Variants in CCSER1 observed in about 807,000 individuals in gnomAD.
The protein encoded by CCSER1 is serine-rich coiled-coil domain-containing protein 1.
A neutral mutation model predicts 82.0 loss-of-function variants in CCSER1; 41 were observed. That is an observed-to-expected ratio of 0.50 (90% CI 0.39 to 0.65). The LOEUF is 0.65. CCSER1 is among the 30% of genes least tolerant of loss of function. CCSER1 has a pLI of 0.00. For missense variants in CCSER1, 1,119 were observed against 1,064.2 expected (o/e 1.05, Z -0.72); for synonymous variants, 414 against 383.9 (o/e 1.08, Z -0.92).
At chr4:90,632,522 T>G (rs1724645194) in intron 6 of CCSER1, among the ~76,000 whole-genome samples, 1 of 152,070 alleles carries the variant, frequency 6.6e-6, no homozygotes, top group African/African-American at 2.4e-5. Flanking sequence ...TGAATACACC[T>G]GCAAAAGTGA....
chr4:91,324,921 A>G (rs1459299384), intron 10 of CCSER1, among the ~76,000 whole-genome samples: 1 of 152,214 alleles, frequency 6.6e-6, no homozygotes, highest in Non-Finnish European at 1.5e-5. Flanking sequence ...GTTCCCACCC[A>G]AATCACATGA....
At chr4:90,361,259 G>T (rs554952343) in intron 3 of CCSER1, among the ~76,000 whole-genome samples, 9 of 152,290 alleles carry the variant, frequency 5.9e-5, no homozygotes, top group Middle Eastern at 3.4e-3. Context: ...GCAAATAGCA[G>T]GTTCTCAATA....
chr4:90,555,186 A>G (rs1396667388), intron 5 of CCSER1, among the ~76,000 whole-genome samples: 2 of 152,282 alleles, frequency 1.3e-5, no homozygotes, highest in East Asian at 1.9e-4. Flanking sequence ...AGAAAACTAC[A>G]TAGTAGCATT....
At chr4:90,650,091 C>G (rs1728442481) in intron 6 of CCSER1, among the ~76,000 whole-genome samples, 1 of 152,088 alleles carries the variant, frequency 6.6e-6, no homozygotes, top group African/African-American at 2.4e-5. Flanking sequence ...GTGGCAGGCA[C>G]CTGTAATCCC....
At chr4:91,238,288 A>C (rs1739175744) in intron 10 of CCSER1, among the ~76,000 whole-genome samples, 2 of 152,300 alleles carry the variant, frequency 1.3e-5, no homozygotes, top group South Asian at 4.1e-4. Flanking sequence ...TAAGTGCCTG[A>C]GAGTGGCATG....
chr4:91,466,542 T>C (rs563972344), intron 10 of CCSER1, among the ~76,000 whole-genome samples: 10 of 152,128 alleles, frequency 6.6e-5, no homozygotes, highest in Non-Finnish European at 1.5e-4. Flanking sequence ...GGTATTCAAC[T>C]AGGAAAAGAG....
At chr4:91,068,647 T>G (rs996129509) in intron 9 of CCSER1, among the ~76,000 whole-genome samples, 1 of 152,190 alleles carries the variant, frequency 6.6e-6, no homozygotes, top group African/African-American at 2.4e-5. Flanking sequence ...TACAAGATAA[T>G]AATTATTAAA....
chr4:90,777,173 A>G (rs1203862179), intron 7 of CCSER1, among the ~76,000 whole-genome samples: 3 of 151,944 alleles, frequency 2.0e-5, no homozygotes, highest in Admixed American at 6.6e-5. Flanking sequence ...CCCAGCCAAC[A>G]TGGTGAAACC....
intron 10 of CCSER1, among the ~76,000 whole-genome samples, chr4:91,487,479 A>C (rs922630689): frequency 5.9e-5 from 9 of 152,202 alleles, no homozygotes; most frequent in Non-Finnish European, 1.2e-4. Flanking sequence ...ATGTTATCAG[A>C]TAAAGTAAAA....
At chr4:91,596,874 A>C (rs756421978) in intron 10 of CCSER1, among the ~76,000 whole-genome samples, 33 of 151,822 alleles carry the variant, frequency 2.2e-4, no homozygotes, top group Admixed American at 9.9e-4. Flanking sequence ...TCAAGACAAT[A>C]AAAAGGAAAG....
intron 9 of CCSER1, among the ~76,000 whole-genome samples, chr4:90,933,080 AAG>A (rs1730394757): frequency 9.0e-6 from 1 of 111,606 alleles, no homozygotes; most frequent in Non-Finnish European, 1.8e-5. Flanking sequence ...AAAAGAAAGA[AAG>A]AAAAGAAAAG....
rs76618420 is a variant in CCSER1, at chr4:90,641,791, T to C, written c.1932+13559T>C. On this transcript the variant is annotated intron_variant, in intron 6 of 10. Coordinates refer to ENST00000509176, the MANE Select transcript of CCSER1 (RefSeq NM_001145065.2). ...GTCATGCATAATATTTGATTGCTTATAAGAAAACGAACTGCAACCCACAGT... is the reference window on the plus strand; with the variant it reads ...GTCATGCATAATATTTGATTGCTTACAAGAAAACGAACTGCAACCCACAGT... 7.7e-4 allele frequency: 147 copies of C among 190,178 alleles called. 2 individuals carry two copies. The East Asian group carries it at 0.014, about 18-fold the overall frequency. The allele number at this position is 190,178 out of a possible 1,614,324, so 11.8% of individuals were successfully genotyped here. A position where few individuals can be genotyped will look rare whatever the true frequency, so the allele number is the denominator to read the frequency against.
intron 3 of CCSER1, among the ~76,000 whole-genome samples, chr4:90,337,102 C>A (rs1464916604): frequency 6.6e-6 from 1 of 152,204 alleles, no homozygotes; most frequent in African/African-American, 2.4e-5. Flanking sequence ...TGTACCAGTT[C>A]TCTACTCACT....
intron 9 of CCSER1, among the ~76,000 whole-genome samples, chr4:90,958,740 C>T (rs898979100): frequency 6.6e-6 from 1 of 152,132 alleles, no homozygotes; most frequent in East Asian, 1.9e-4. Context: ...AGTGAAAAGA[C>T]AGCCATTTAT....
intron 7 of CCSER1, among the ~76,000 whole-genome samples, chr4:90,814,614 T>A (rs1758761989): frequency 6.6e-6 from 1 of 152,222 alleles, no homozygotes; most frequent in Non-Finnish European, 1.5e-5. Flanking sequence ...GGTCACCTCT[T>A]GAATGCTTTG....
chr4:90,280,874 T>G (rs1398640580), intron 1 of CCSER1, among the ~76,000 whole-genome samples: 2 of 152,132 alleles, frequency 1.3e-5, no homozygotes, highest in East Asian at 3.9e-4. Context: ...TAGATTATTA[T>G]TTTAGTAGTT....
chr4:90,395,781 C>T (rs929737684), intron 3 of CCSER1, among the ~76,000 whole-genome samples: 2 of 151,188 alleles, frequency 1.3e-5, no homozygotes, highest in African/African-American at 4.9e-5. Flanking sequence ...TTTTCTTGTT[C>T]CTGCTATGTT....
chr4:91,260,381 A>G (rs1213123156), intron 10 of CCSER1, among the ~76,000 whole-genome samples: 1 of 152,218 alleles, frequency 6.6e-6, no homozygotes, highest in Non-Finnish European at 1.5e-5. Flanking sequence ...ACTGGAATTA[A>G]TCATACAAGT....
intron 1 of CCSER1, among the ~76,000 whole-genome samples, chr4:90,196,063 A>G (rs1329556332): frequency 6.6e-6 from 1 of 151,442 alleles, no homozygotes. Flanking sequence ...CTCCAGGCAC[A>G]AAATGGTAAC....
Sources: gnomAD v4.1 joint callset for allele counts (sites outside exome capture counted in the v4.1 genomes callset) on GRCh38, gnomAD v4.1.1 for gene constraint, MANE v1.5 for transcripts, NCBI Gene and HGNC (gene_info 2026-07-23, HGNC 2026-07-21) for gene names.